Variants in ERG observed in about 807,000 individuals in gnomAD.
ERG encodes the protein ETS transcription factor ERG, also known as transcriptional regulator ERG.
Under a neutral mutation model 55.3 loss-of-function variants are expected in ERG, and 9 were observed. That is an observed-to-expected ratio of 0.16 (90% CI 0.10 to 0.28). The LOEUF (loss-of-function observed/expected upper bound fraction) is 0.28, where lower values mean the gene tolerates loss of function less well. Among genes scored for constraint, ERG ranks in the 10% least tolerant of loss-of-function variants. The pLI, the probability that ERG is intolerant of heterozygous loss-of-function variation, is 1.00. For synonymous variants in ERG, 223 were observed against 237.3 expected, an observed-to-expected ratio of 0.94 and a Z score of 0.55; for missense variants, 434 against 631.6, an observed-to-expected ratio of 0.69 and a Z score of 3.35.
chr21:38,384,454 A>G (rs1987597618), intron 9 of ERG, among the ~76,000 whole-genome samples: 1 of 152,194 alleles, frequency 6.6e-6, no homozygotes, highest in Non-Finnish European at 1.5e-5. Context: ...CAGATTCAAG[A>G]CCTAGATGGA....
intron 2 of ERG, among the ~76,000 whole-genome samples, chr21:38,429,944 T>C (rs1990129298): frequency 6.6e-6 from 1 of 152,208 alleles, no homozygotes; most frequent in Non-Finnish European, 1.5e-5. Context: ...TTTTCCATAC[T>C]GTTTTCCACA....
At chr21:38,591,365 T>C (rs1433866847) in intron 1 of ERG, among the ~76,000 whole-genome samples, 2 of 152,180 alleles carry the variant, frequency 1.3e-5, no homozygotes, top group Non-Finnish European at 2.9e-5. Flanking sequence ...AAGGGCAATG[T>C]AGGCTACTCA....
At chr21:38,641,603 A>G (rs921498039) in intron 1 of ERG, among the ~76,000 whole-genome samples, 1 of 152,234 alleles carries the variant, frequency 6.6e-6, no homozygotes, top group Admixed American at 6.5e-5. Context: ...AATACAAAAT[A>G]AACTAAGCAA....
At chr21:38,447,311 A>C (rs1158704591) in intron 1 of ERG, among the ~76,000 whole-genome samples, 1 of 151,784 alleles carries the variant, frequency 6.6e-6, no homozygotes, top group African/African-American at 2.4e-5. Flanking sequence ...GGACTCCATA[A>C]GTATCTGTAG....
At chr21:38,500,093 A>G (rs2059410222), upstream of ERG, among the ~76,000 whole-genome samples, 1 of 152,130 alleles carries the variant, frequency 6.6e-6, no homozygotes, top group Non-Finnish European at 1.5e-5. Flanking sequence ...CTTCCACTAG[A>G]ATTCTGGAGT....
At chr21:38,652,834 C>G (rs2836598) in intron 1 of ERG, among the ~76,000 whole-genome samples, 61,013 of 152,082 alleles carry the variant, frequency 0.4, 13,092 homozygotes, top group Middle Eastern at 0.55. Flanking sequence ...TGGCCCAGTT[C>G]AACCAGGTGG....
chr21:38,595,036 C>T (rs2060122784), intron 1 of ERG, among the ~76,000 whole-genome samples: 1 of 152,146 alleles, frequency 6.6e-6, no homozygotes, highest in Non-Finnish European at 1.5e-5. Context: ...AATGAAGAAG[C>T]AGGAGAGCCC....
intron 2 of ERG, among the ~76,000 whole-genome samples, chr21:38,555,255 A>T (rs2059850932): frequency 6.6e-6 from 1 of 151,910 alleles, no homozygotes; most frequent in African/African-American, 2.4e-5. Flanking sequence ...TGAGCCCGGG[A>T]GACGGAGGCT....
chr21:38,436,420 A>G (rs921087849), intron 2 of ERG, among the ~76,000 whole-genome samples: 1 of 152,170 alleles, frequency 6.6e-6, no homozygotes, highest in African/African-American at 2.4e-5. Flanking sequence ...GCATCTTGTC[A>G]CTGCTTGTCT....
chr21:38,381,106 G>A lies in ERG; in HGVS notation c.*2297C>T, dbSNP rs1423176433. 4 of 1,064,886 alleles carry A rather than the reference G, an allele frequency of 3.8e-6. No homozygotes were observed. The highest frequency in any genetic ancestry group is 4.5e-6 in the Non-Finnish European group (4 of 879,120). 66.0% of individuals were successfully genotyped at this position (1,064,886 alleles called of 1,614,324 possible). On this transcript the variant is annotated 3_prime_UTR_variant, in exon 10 of 10. Transcript: ENST00000288319. ...TAATCCAAATGACACGGGGTGTCAG[G>A]AGCATTGGTAATCGTGTCCTGCCGA...
intron 2 of ERG, among the ~76,000 whole-genome samples, chr21:38,517,023 A>G (rs2059557143): frequency 6.6e-6 from 1 of 152,094 alleles, no homozygotes; most frequent in South Asian, 2.1e-4. Context: ...TTAAAAGAAA[A>G]TAGAGAAAAC....
At chr21:38,379,593 A>G (rs376691164), downstream of ERG, among the ~76,000 whole-genome samples, 6 of 152,338 alleles carry the variant, frequency 3.9e-5, no homozygotes, top group Non-Finnish European at 5.9e-5. Context: ...ATCAGGTAAT[A>G]TTATGACTTT....
chr21:38,648,130 T>A (rs930552087), intron 1 of ERG, among the ~76,000 whole-genome samples: 13 of 152,246 alleles, frequency 8.5e-5, no homozygotes, highest in South Asian at 4.1e-4. Flanking sequence ...TTCTTTTTTT[T>A]AAATTTTTTA....
intron 1 of ERG, among the ~76,000 whole-genome samples, chr21:38,622,876 A>T (rs962507769): frequency 2.0e-5 from 3 of 149,972 alleles, no homozygotes; most frequent in African/African-American, 7.4e-5. Flanking sequence ...CACATACTAC[A>T]TGATCATATA....
chr21:38,451,409 G>C (rs1316246428), intron 1 of ERG, among the ~76,000 whole-genome samples: 2 of 152,228 alleles, frequency 1.3e-5, no homozygotes, highest in Non-Finnish European at 2.9e-5. Flanking sequence ...ACATGGCCAG[G>C]TGTTGGGATG....
intron 2 of ERG, among the ~76,000 whole-genome samples, chr21:38,425,061 C>A (rs554795927): frequency 9.9e-4 from 151 of 152,228 alleles, no homozygotes; most frequent in Non-Finnish European, 1.3e-3. Context: ...TTGGTGAAAT[C>A]GCATCTGATA....
intron 1 of ERG, among the ~76,000 whole-genome samples, chr21:38,582,405 T>G (rs1245261600): frequency 6.6e-6 from 1 of 152,194 alleles, no homozygotes; most frequent in Non-Finnish European, 1.5e-5. Context: ...GTATCAGTGT[T>G]GAATGACTGG....
At chr21:38,378,971 G>A (rs1292999010), downstream of ERG, among the ~76,000 whole-genome samples, 3 of 152,202 alleles carry the variant, frequency 2.0e-5, no homozygotes, top group Admixed American at 2.0e-4. Flanking sequence ...ATGAGGCAGT[G>A]TGTATACAGC....
chr21:38,650,454 G>T (rs1016474098), intron 1 of ERG, among the ~76,000 whole-genome samples: 1 of 152,094 alleles, frequency 6.6e-6, no homozygotes, highest in African/African-American at 2.4e-5. Flanking sequence ...TGGGCAACAT[G>T]GCGAAACCCT....
Sources: gnomAD v4.1 joint callset for allele counts (sites outside exome capture counted in the v4.1 genomes callset) on GRCh38, gnomAD v4.1.1 for gene constraint, MANE v1.5 for transcripts, NCBI Gene and HGNC (gene_info 2026-07-23, HGNC 2026-07-21) for gene names.